ARID2: variants seen among roughly 807,000 people sequenced by gnomAD.
The protein encoded by ARID2 is AT-rich interaction domain 2, also known as AT-rich interactive domain-containing protein 2.
ARID2 carries 32 observed loss-of-function variants against 184.6 expected under a neutral mutation model. That is an observed-to-expected ratio of 0.17 (90% CI 0.13 to 0.23). The LOEUF (loss-of-function observed/expected upper bound fraction) is 0.23. ARID2 is among the 10% of genes least tolerant of loss of function. ARID2 has a pLI of 1.00. For missense variants in ARID2, 1,696 were observed against 2,197.6 expected (o/e 0.77, Z 4.56); for synonymous variants, 836 against 772.6 (o/e 1.08, Z -1.36).
At position 45,905,932 on chromosome 12, in the gene ARID2, T is replaced by C. The variant is rs1310902914; in HGVS notation, c.*854T>C. 1.3e-5 allele frequency: 3 copies of C among 226,688 alleles called. No individual in the cohort carries two copies. Among genetic ancestry groups the C allele is most frequent in the African/African-American group, 7.5e-5 (3 of 39,780 alleles). The allele number at this position is 226,688 out of a possible 1,614,324, so 14.0% of individuals were successfully genotyped here. On this transcript the variant is annotated 3_prime_UTR_variant, in exon 21 of 21. Coordinates refer to ENST00000334344, the MANE Select transcript of ARID2 (RefSeq NM_152641.4). ...GTTTTGTGGAACTGTGATTTTTTTT[T>C]CTTTTTTCTTTTTTTTTTTCTTTTT...
Position 45,851,518 on chromosome 12 carries a change from G to C in ARID2, c.3395G>C (p.Ser1132Thr), listed in dbSNP as rs1258124356. The C allele has an allele frequency of 6.2e-7, 1 of 1,614,006 alleles. No individual in the cohort carries two copies. Among genetic ancestry groups the C allele is most frequent in the Non-Finnish European group, 8.5e-7 (1 of 1,180,000 alleles). ...VGQQNVQLVP[S>T]AMPPSGGVQT... ...CAGCAAAATGTTCAGTTGGTCCCAAGTGCAATGCCACCCTCAGGGGGAGTA... is the reference window on the plus strand; with the variant it reads ...CAGCAAAATGTTCAGTTGGTCCCAACTGCAATGCCACCCTCAGGGGGAGTA... The change falls in exon 15 of 21, where the codon AGT becomes ACT. Residue 1132 changes from serine to threonine, a missense_variant. Transcript: ENST00000334344.
At position 45,836,671 on chromosome 12, in the gene ARID2, C is replaced by A. The variant is rs974295406; in HGVS notation, c.772+16C>A. 9 of 1,602,264 alleles carry A rather than the reference C, an allele frequency of 5.6e-6. No individual in the cohort carries two copies. Among genetic ancestry groups the A allele is most frequent in the South Asian group, 1.1e-5 (1 of 88,314 alleles). On this transcript the variant is annotated intron_variant, in intron 7 of 20. Coordinates refer to ENST00000334344, the MANE Select transcript of ARID2 (RefSeq NM_152641.4). ...AAGTCTCATGGTAAGTTAGTGAAAG[C>A]AAAATTTTTCAAAACCTTTGAAGTA...
chr12:45,905,282 G>T lies in ARID2; in HGVS notation c.*204G>T. The T allele has an allele frequency of 2.3e-6, 1 of 435,750 alleles. No homozygotes were observed. 27.0% of individuals were successfully genotyped at this position (435,750 alleles called of 1,614,324 possible). A position where few individuals can be genotyped will look rare whatever the true frequency, so the allele number is the denominator to read the frequency against. On this transcript the variant is annotated 3_prime_UTR_variant, in exon 21 of 21. Transcript: ENST00000334344. ...GTTTAAAAAAATCTAAAAAGAAAAA[G>T]GAAAAAAAAAAAAGAACTGCTGTGG... is the stretch of plus-strand genomic sequence containing the variant.
chr12:45,839,974 C>CA (rs963720749), intron 11 of ARID2: 3 of 154,848 alleles, frequency 1.9e-5, no homozygotes, highest in African/African-American at 4.8e-5. Context: ...TATGTATACA[C>CA]ACACTTACAA....
chr12:45,771,347 A>C (rs1301892173), intron 3 of ARID2, among the ~76,000 whole-genome samples: 1 of 140,424 alleles, frequency 7.1e-6, no homozygotes, highest in Non-Finnish European at 1.5e-5. Flanking sequence ...ACAGATTGAG[A>C]GTCCATGTCA....
intron 3 of ARID2, among the ~76,000 whole-genome samples, chr12:45,739,915 C>T (rs1380630039): frequency 6.6e-6 from 1 of 152,210 alleles, no homozygotes; most frequent in East Asian, 1.9e-4. Context: ...TTAACTTTTT[C>T]AGTAGTAAGG....
intron 3 of ARID2, among the ~76,000 whole-genome samples, chr12:45,798,028 A>G (rs1205166609): frequency 6.6e-6 from 1 of 152,114 alleles, no homozygotes; most frequent in African/African-American, 2.4e-5. Flanking sequence ...GTTCATTTGC[A>G]AGCATATAGC....
intron 4 of ARID2, among the ~76,000 whole-genome samples, chr12:45,813,718 C>T (rs1270456147): frequency 6.6e-6 from 1 of 152,062 alleles, no homozygotes; most frequent in East Asian, 1.9e-4. Flanking sequence ...ACATCGTACA[C>T]TGATAGAATG....
At chr12:45,747,885 A>G (rs980243336) in intron 3 of ARID2, among the ~76,000 whole-genome samples, 1 of 152,196 alleles carries the variant, frequency 6.6e-6, no homozygotes, top group Non-Finnish European at 1.5e-5. Context: ...AGTCTTGTGT[A>G]GGGTAAGATT....
rs1477795371 is a variant in ARID2, at chr12:45,906,473, T to TTA, written c.*1395_*1396insTA. ...AGTAAAAAATATAGACCTAACAGTTTATGTTATAGAATGGCTTTATTTACT... is the reference window on the plus strand; with the variant it reads ...AGTAAAAAATATAGACCTAACAGTTTTAATGTTATAGAATGGCTTTATTTACT... On this transcript the variant is annotated 3_prime_UTR_variant, in exon 21 of 21. Transcript: ENST00000334344. 4.3e-6 allele frequency: 1 copy of TTA among 232,904 alleles called. No homozygotes were observed. The highest frequency in any genetic ancestry group is 8.5e-6 in the Non-Finnish European group (1 of 117,662). 14.4% of individuals were successfully genotyped at this position (232,904 alleles called of 1,614,324 possible). A position where few individuals can be genotyped will look rare whatever the true frequency, so the allele number is the denominator to read the frequency against.
intron 3 of ARID2, among the ~76,000 whole-genome samples, chr12:45,785,948 T>G (rs764414215): frequency 6.6e-6 from 1 of 152,200 alleles, no homozygotes; most frequent in Non-Finnish European, 1.5e-5. Context: ...GGGAAAATTG[T>G]CTTCCATGAA....
intron 3 of ARID2, among the ~76,000 whole-genome samples, chr12:45,749,555 G>C (rs763075481): frequency 6.6e-6 from 1 of 152,208 alleles, no homozygotes; most frequent in Non-Finnish European, 1.5e-5. Context: ...TTGAAGCCAG[G>C]CATTGACTTT....
intron 4 of ARID2, among the ~76,000 whole-genome samples, chr12:45,811,958 T>G (rs1026989496): frequency 6.6e-6 from 1 of 152,118 alleles, no homozygotes. Context: ...TGTTTCTGAT[T>G]ATTCTATTTT....
chr12:45,799,686 G>A (rs949247348), intron 3 of ARID2, among the ~76,000 whole-genome samples: 1 of 152,106 alleles, frequency 6.6e-6, no homozygotes, highest in African/African-American at 2.4e-5. Context: ...AAGAGAATGG[G>A]TTAAGGCATT....
chr12:45,842,194 G>A (rs900237921), intron 11 of ARID2: 4 of 150,110 alleles, frequency 2.7e-5, no homozygotes, highest in African/African-American at 9.9e-5. Flanking sequence ...ATGTGTCACT[G>A]GATCCACCTT....
intron 3 of ARID2, among the ~76,000 whole-genome samples, chr12:45,760,502 G>C (rs1365649604): frequency 1.3e-5 from 2 of 151,474 alleles, no homozygotes; most frequent in Admixed American, 1.3e-4. Flanking sequence ...TGTTTTTTTG[G>C]TGTTTTTGTG....
intron 3 of ARID2, among the ~76,000 whole-genome samples, chr12:45,810,827 A>G (rs911631858): frequency 2.0e-5 from 3 of 152,192 alleles, no homozygotes; most frequent in Non-Finnish European, 2.9e-5. Flanking sequence ...ATTCATCTAC[A>G]TGTAGTTGTC....
At chr12:45,880,968 G>C (rs776622951) in intron 16 of ARID2, 6 of 201,562 alleles carry the variant, frequency 3.0e-5, no homozygotes, top group Admixed American at 2.3e-4. Flanking sequence ...AAGCATTCCT[G>C]CCAATATAAA....
At position 45,780,102 on chromosome 12, in the gene ARID2, G is replaced by T. The variant is rs141990412; in HGVS notation, c.285-31316G>T. On this transcript the variant is annotated intron_variant, in intron 3 of 20. Transcript: ENST00000334344. ...AGTTGGTAAATGCTAACTACATGCTGGTTATAGTTTAGCAGATTTTGATAG... is the reference window on the plus strand; with the variant it reads ...AGTTGGTAAATGCTAACTACATGCTTGTTATAGTTTAGCAGATTTTGATAG... 9.2e-5 allele frequency among the ~76,000 whole-genome samples: 14 copies of T among 152,242 alleles called. No homozygotes were observed. In the East Asian group the frequency reaches 2.7e-3, roughly 29 times the overall value.
Sources: allele counts gnomAD v4.1 joint callset (sites outside exome capture counted in the v4.1 genomes callset), GRCh38; gene constraint gnomAD v4.1.1; transcripts MANE v1.5; gene names NCBI Gene and HGNC (gene_info 2026-07-23, HGNC 2026-07-21).